CCL25: variants seen among roughly 807,000 people sequenced by gnomAD.
The protein encoded by CCL25 is C-C motif chemokine 25.
CCL25 carries 14 observed loss-of-function variants against 19.9 expected under a neutral mutation model. That is an observed-to-expected ratio of 0.70 (90% CI 0.47 to 1.10). CCL25 has a LOEUF of 1.10. CCL25 is among the 50% of genes least tolerant of loss of function. The probability of loss-of-function intolerance (pLI) is 0.00; values close to 1 mark genes in which losing one functional copy is unlikely to be tolerated. For missense variants in CCL25, 151 were observed against 181.2 expected, an observed-to-expected ratio of 0.83 and a Z score of 0.96; for synonymous variants, 68 against 73.2, an observed-to-expected ratio of 0.93 and a Z score of 0.36.
chr19:8,062,117 G>GT (rs1310254379), intron 5 of CCL25, 101 bp from the exon 6 acceptor site: 3 of 1,157,114 alleles, frequency 2.6e-6, no homozygotes, highest in Non-Finnish European at 3.9e-6. Context: ...ATTCACAAGG[G>GT]TTTTAGGAGC....
At position 8,053,123 on chromosome 19, in the gene CCL25, G is replaced by C. The variant is rs2081244497; in HGVS notation, c.73+1G>C. 2 of 1,551,572 alleles carry C rather than the reference G, an allele frequency of 1.3e-6. No homozygotes were observed. Among genetic ancestry groups the C allele is most frequent in the Non-Finnish European group, 1.7e-6 (2 of 1,146,730 alleles). The stretch of plus-strand genomic sequence containing the variant: ...TGGGCCCCCGCTGTCCACACCCAAG[G>C]TACTGTGTTCGGCAATGCCTACCAC... On this transcript the variant is annotated splice_donor_variant, in intron 2 of 5. Transcript: ENST00000315626. LOFTEE classifies it high-confidence loss of function.
At chr19:8,062,175 A>G (rs1207907893) in intron 5 of CCL25, 43 bp from the exon 6 acceptor site, 1 of 1,607,896 alleles carries the variant, frequency 6.2e-7, no homozygotes, top group African/African-American at 1.3e-5. Context: ...CTATTATTTT[A>G]CAGCCGTCAA....
At chr19:8,058,114 C>A (rs971802708) in intron 5 of CCL25, among the ~76,000 whole-genome samples, 194 bp downstream of exon 5, 3 of 151,660 alleles carry the variant, frequency 2.0e-5, no homozygotes, top group African/African-American at 7.3e-5. Flanking sequence ...GCAAAGACAC[C>A]ACAGCAAGTG....
chr19:8,061,986 G>A (rs1039252573), intron 5 of CCL25, among the ~76,000 whole-genome samples: 7 of 148,528 alleles, frequency 4.7e-5, no homozygotes, highest in Non-Finnish European at 1.0e-4. Context: ...GGAGGCGGAG[G>A]TTGCATTGAG....
At position 8,057,014 on chromosome 19, in the gene CCL25, ATTTT is replaced by A. The variant is rs2081277078; in HGVS notation, c.325+516_325+519del. Among the ~76,000 whole-genome samples, 6 of 151,582 alleles carry A rather than the reference ATTTT, an allele frequency of 4.0e-5. No individual in the cohort carries two copies. The East Asian group carries it at 1.2e-3, about 30-fold the overall frequency. On this transcript the variant is annotated intron_variant, in intron 4 of 5. Coordinates refer to ENST00000315626, the MANE Select transcript of CCL25 (RefSeq NM_005624.4). ...TGCTCCACTAATCCAGCTCATTGTT[ATTTT>A]ATTTTTTATTTTTATTTTTTGAGAT...
chr19:8,062,299 C>T lies in CCL25; in HGVS notation c.*74C>T. Reference sequence around the variant, plus strand: ...TCCGATAAAACCGTCGCCCTACAGACCCAGCTGTCCCCACGCCTCTGTCTT... The same window carrying T: ...TCCGATAAAACCGTCGCCCTACAGATCCAGCTGTCCCCACGCCTCTGTCTT... On this transcript the variant is annotated 3_prime_UTR_variant, in exon 6 of 6. Transcript: ENST00000315626. 6.6e-7 allele frequency: 1 copy of T among 1,519,012 alleles called. No individual in the cohort carries two copies. Among genetic ancestry groups the T allele is most frequent in the South Asian group, 1.1e-5 (1 of 89,068 alleles). 94.1% of individuals were successfully genotyped at this position (1,519,012 alleles called of 1,614,324 possible).
chr19:8,057,260 T>C (rs1216522715), intron 4 of CCL25, among the ~76,000 whole-genome samples: 17 of 152,074 alleles, frequency 1.1e-4, no homozygotes, highest in African/African-American at 3.9e-4. Context: ...CCTCAGATGA[T>C]CTGCCCGCCT....
intron 2 of CCL25, among the ~76,000 whole-genome samples, chr19:8,054,686 A>G (rs188368382): frequency 2.8e-5 from 4 of 145,238 alleles, no homozygotes; most frequent in African/African-American, 1.0e-4. Context: ...CACCCCCCAC[A>G]GTGCCTGTGC....
intron 2 of CCL25, among the ~76,000 whole-genome samples, chr19:8,055,553 C>G (rs903011754): frequency 6.6e-6 from 1 of 151,916 alleles, no homozygotes; most frequent in Non-Finnish European, 1.5e-5. Context: ...CCAGGATGGT[C>G]TCAATCTCCT....
chr19:8,058,996 A>G (rs966560537), intron 5 of CCL25, among the ~76,000 whole-genome samples: 1 of 127,876 alleles, frequency 7.8e-6, no homozygotes, highest in African/African-American at 2.9e-5. Flanking sequence ...ATAAATATAT[A>G]ATATAAATAT....
intron 4 of CCL25, 21 bp downstream of exon 4, chr19:8,056,520 G>T (rs775894791): frequency 3.6e-5 from 58 of 1,613,382 alleles, no homozygotes; most frequent in Non-Finnish European, 4.7e-5. Flanking sequence ...CCTCTGCTGG[G>T]CATCTAGGGG....
intron 2 of CCL25, among the ~76,000 whole-genome samples, chr19:8,055,514 T>C (rs1223809015): frequency 1.3e-5 from 2 of 151,732 alleles, no homozygotes. Flanking sequence ...TTTTATATTT[T>C]TAGTAGAGAC....
At chr19:8,062,169 T>G in intron 5 of CCL25, 49 bp from the exon 6 acceptor site, 1 of 1,604,644 alleles carries the variant, frequency 6.2e-7, no homozygotes, top group Non-Finnish European at 8.5e-7. Flanking sequence ...TAGTTACTAT[T>G]ATTTTACAGC....
At chr19:8,059,682 G>A (rs1055196820) in intron 5 of CCL25, among the ~76,000 whole-genome samples, 2 of 152,160 alleles carry the variant, frequency 1.3e-5, no homozygotes, top group African/African-American at 4.8e-5. Context: ...CAGGACTCAT[G>A]GAAGCGCTCT....
chr19:8,053,769 G>T (rs553071516), intron 2 of CCL25, among the ~76,000 whole-genome samples: 1 of 151,628 alleles, frequency 6.6e-6, no homozygotes, highest in African/African-American at 2.4e-5. Flanking sequence ...GAGTAGTCTC[G>T]ATCTCCTGAT....
intron 3 of CCL25, 42 bp downstream of exon 3, chr19:8,056,311 C>G: frequency 6.2e-7 from 1 of 1,605,064 alleles, no homozygotes; most frequent in Non-Finnish European, 8.5e-7. Flanking sequence ...GGTGCACACA[C>G]AGCCTTGCTG....
Position 8,057,880 on chromosome 19 carries a change from C to G in CCL25, c.405C>G (p.Ser135Arg). Residue 135 changes from serine (S) to arginine (R), a missense_variant, in exon 5 of 6, where the codon AGC becomes AGG. Transcript: ENST00000315626. ...SSSKFSNPIS[S>R]SKRNVSLLIS... ...CCAAGTTTAGCAATCCCATCAGCAG[C>G]AGTAAGAGGAATGTCTCCCTCCTGA... 5 of 1,613,474 alleles carry G rather than the reference C, an allele frequency of 3.1e-6. No individual in the cohort carries two copies. The highest frequency in any genetic ancestry group is 4.2e-6 in the Non-Finnish European group (5 of 1,179,540).
intron 2 of CCL25, among the ~76,000 whole-genome samples, chr19:8,055,714 AC>A (rs1394788506): frequency 6.6e-6 from 1 of 151,604 alleles, no homozygotes; most frequent in Non-Finnish European, 1.5e-5. Context: ...CAGGTGATCC[AC>A]CCACCTCAGC....
At chr19:8,055,448 G>A (rs1357352341) in intron 2 of CCL25, among the ~76,000 whole-genome samples, 2 of 150,510 alleles carry the variant, frequency 1.3e-5, no homozygotes, top group Non-Finnish European at 3.0e-5. Flanking sequence ...CCATTCTCCT[G>A]CCTCAGCCTC....
Sources: allele counts gnomAD v4.1 joint callset (sites outside exome capture counted in the v4.1 genomes callset), GRCh38; gene constraint gnomAD v4.1.1; transcripts MANE v1.5; gene names NCBI Gene and HGNC (gene_info 2026-07-23, HGNC 2026-07-21).